CLEC4M: variants seen among roughly 807,000 people sequenced by gnomAD.
The protein encoded by CLEC4M is CD209 antigen-like protein 1.
A neutral mutation model predicts 39.1 loss-of-function variants in CLEC4M; 25 were observed. The observed-to-expected ratio is 0.64, with a 90% CI of 0.47 to 0.89. The LOEUF (loss-of-function observed/expected upper bound fraction) is 0.89. Ranked by LOEUF, CLEC4M falls within the 40% of genes least tolerant of loss-of-function variation. The pLI, the probability that CLEC4M is intolerant of heterozygous loss-of-function variation, is 0.00. For missense variants in CLEC4M, 353 were observed against 431.4 expected (o/e 0.82, Z 1.61); for synonymous variants, 155 against 177.4 (o/e 0.87, Z 1.00).
At chr19:7,767,400 C>G (rs557094) in intron 5 of CLEC4M, 116 bp from the exon 6 acceptor site, 92,350 of 721,666 alleles carry the variant, frequency 0.13, 7,377 homozygotes, top group African/African-American at 0.29. Context: ...TCAGGACCTG[C>G]TATATCAGAA....
chr19:7,766,977 C>A, intron 5 of CLEC4M, 170 bp downstream of exon 5: 1 of 1,123,712 alleles, frequency 8.9e-7, no homozygotes, highest in Non-Finnish European at 1.2e-6. Flanking sequence ...AAATACAAAC[C>A]AGATCTGAAC....
chr19:7,763,561 A>T (rs1449543498), intron 2 of CLEC4M, 85 bp downstream of exon 2: 9 of 1,175,960 alleles, frequency 7.7e-6, no homozygotes, highest in Non-Finnish European at 9.9e-6. Context: ...GGGGTCTGGA[A>T]TCCTGGGTTC....
chr19:7,766,556 T>C (rs972547717), intron 4 of CLEC4M, 100 bp from the exon 5 acceptor site: 16 of 1,576,872 alleles, frequency 1.0e-5, no homozygotes, highest in African/African-American at 2.7e-5. Flanking sequence ...ACATGGACAG[T>C]CAAGGAAGGG....
intron 5 of CLEC4M, chr19:7,767,097 C>A (rs755137718): frequency 4.1e-6 from 2 of 491,596 alleles, no homozygotes; most frequent in Admixed American, 3.3e-5. Context: ...GTTGTGTTTG[C>A]CAATTTCCCC....
At position 7,769,441 on chromosome 19, in the gene CLEC4M, A is replaced by T. The variant is rs374302522; in HGVS notation, c.*453A>T. The T allele has an allele frequency of 1.9e-5, 3 of 158,788 alleles. No individual in the cohort carries two copies. The allele number at this position is 158,788 out of a possible 1,614,324, so 9.8% of individuals were successfully genotyped here. On this transcript the variant is annotated 3_prime_UTR_variant, in exon 7 of 7. Transcript: ENST00000327325. ...GGAGCTCATCTTGCAGGCTGGAAGC[A>T]CCAGGGAATTAATTCCCCCAGTCAA...
rs765486035 is a variant in CLEC4M at position 7,765,724 on chromosome 19, G to A, written c.301G>A (p.Gly101Ser). The A allele has an allele frequency of 5.6e-6, 9 of 1,614,224 alleles. No homozygotes were observed. The highest frequency in any genetic ancestry group is 6.8e-6 in the Non-Finnish European group (8 of 1,180,036). Reference protein sequence around the residue: ...QNLTQLKAAVGELSEKSKLQE... With the variant: ...QNLTQLKAAVSELSEKSKLQE... Reference sequence around the variant, plus strand: ...CCTGACCCAGCTTAAAGCTGCAGTGGGTGAGCTCTCAGAGAAATCCAAGCT... The same window carrying A: ...CCTGACCCAGCTTAAAGCTGCAGTGAGTGAGCTCTCAGAGAAATCCAAGCT... The change falls in exon 4 of 7, where the codon GGT becomes AGT. Residue 101 changes from glycine to serine, a missense_variant. By Grantham distance (56) the Gly-to-Ser change is moderately conservative. Around this residue, in one of 4 missense-constraint regions of CLEC4M, gnomAD observed 48 missense variants for 64.8 expected, o/e 0.74. Transcript: ENST00000327325.
intron 5 of CLEC4M, 161 bp downstream of exon 5, chr19:7,766,968 A>G: frequency 8.0e-7 from 1 of 1,242,876 alleles, no homozygotes; most frequent in Non-Finnish European, 1.1e-6. Context: ...CCTTCAAGCA[A>G]ATACAAACCA....
chr19:7,767,562 T>C lies in CLEC4M; in HGVS notation c.983T>C (p.Met328Thr), dbSNP rs2034332829. The C allele has an allele frequency of 1.2e-6, 2 of 1,614,066 alleles. No individual in the cohort carries two copies. The highest frequency in any genetic ancestry group is 1.3e-5 in the African/African-American group (1 of 74,942). Residue 328 changes from methionine (M) to threonine (T), a missense_variant, in exon 6 of 7, where the codon ATG becomes ACG. This residue lies in a region of CLEC4M where 196 missense variants were observed against 211.7 expected (regional missense o/e 0.93). Transcript: ENST00000327325. ...QTSRSNRFSW[M>T]GLSDLNQEGT... ...TCCAGGAGTAACCGCTTCTCCTGGA[T>C]GGGACTTTCAGACCTAAATCAGGAA...
chr19:7,766,697 C>G lies in CLEC4M; in HGVS notation c.826C>G (p.Gln276Glu). The G allele has an allele frequency of 6.2e-7, 1 of 1,614,226 alleles. No homozygotes were observed. The highest frequency in any genetic ancestry group is 8.5e-7 in the Non-Finnish European group (1 of 1,180,044). The change falls in exon 5 of 7, where the codon CAA (glutamine) becomes GAA (glutamate). Residue 276 changes from glutamine to glutamate, a missense_variant. Around this residue, in one of 4 missense-constraint regions of CLEC4M, gnomAD observed 196 missense variants for 211.7 expected, o/e 0.93. Transcript: ENST00000327325. The stretch of plus-strand genomic sequence containing the variant: ...CTGTCCCAAGGACTGGACATTCTTC[C>G]AAGGAAACTGTTACTTCATGTCTAA... ...RHCPKDWTFF[Q>E]GNCYFMSNSQ...
At chr19:7,767,055 G>A (rs1027988618) in intron 5 of CLEC4M, 24 of 610,388 alleles carry the variant, frequency 3.9e-5, no homozygotes, top group African/African-American at 2.2e-4. Flanking sequence ...GGTGTTTAAC[G>A]GCCAGCTCTC....
Position 7,767,587 on chromosome 19 carries a change from A to G in CLEC4M, c.1008A>G (p.Glu336=), listed in dbSNP as rs373296748. 5 of 1,614,074 alleles carry G rather than the reference A, an allele frequency of 3.1e-6. No individual in the cohort carries two copies. The African/African-American group carries it at 6.7e-5, about 22-fold the overall frequency. ...TGGGACTTTCAGACCTAAATCAGGA[A>G]GGCACGTGGCAATGGGTGGACGGCT... ...SWMGLSDLNQ[E]GTWQWVDGSP... The change falls in exon 6 of 7, where the codon GAA becomes GAG. Residue 336 remains glutamate, a synonymous_variant. Coordinates refer to ENST00000327325, the MANE Select transcript of CLEC4M (RefSeq NM_014257.5).
rs560053802 is a variant in CLEC4M at position 7,764,019 on chromosome 19, C to T, written c.130+543C>T. ...CTTGGGCCTGGGTTCCTCCTGGGACCTGGAGATGTGGAGGCTGGGACCTGG... is the reference window on the plus strand; with the variant it reads ...CTTGGGCCTGGGTTCCTCCTGGGACTTGGAGATGTGGAGGCTGGGACCTGG... On this transcript the variant is annotated intron_variant, in intron 2 of 6. Coordinates refer to ENST00000327325, the MANE Select transcript of CLEC4M (RefSeq NM_014257.5). Among the ~76,000 whole-genome samples, 111 of 151,992 alleles carry T rather than the reference C, an allele frequency of 7.3e-4. 1 individual carries two copies. Among genetic ancestry groups the T allele is most frequent in the Non-Finnish European group, 1.1e-3 (74 of 67,960 alleles).
Position 7,766,129 on chromosome 19 carries a change from G to T in CLEC4M, c.706G>T (p.Ala236Ser), listed in dbSNP as rs576173072. ...EIYQELTQLK[A>S]AVGELPDQSK... is the part of the protein sequence containing the mutation. ...CTACCAGGAGCTGACCCAGCTGAAG[G>T]CTGCAGTGGGTGAGTTGCCAGACCA... Residue 236 changes from alanine (A) to serine (S), a missense_variant, in exon 4 of 7, where the codon GCT becomes TCT. Physicochemically the swap from Ala to Ser is moderately conservative, Grantham distance 99. Transcript: ENST00000327325. 1.9e-6 allele frequency: 3 copies of T among 1,613,842 alleles called. No individual in the cohort carries two copies. Among genetic ancestry groups the T allele is most frequent in the Non-Finnish European group, 1.7e-6 (2 of 1,179,876 alleles).
Position 7,766,783 on chromosome 19 carries a change from C to A in CLEC4M, c.912C>A (p.Val304=), listed in dbSNP as rs749659860. 4 of 1,614,038 alleles carry A rather than the reference C, an allele frequency of 2.5e-6. No homozygotes were observed. In the African/African-American group the frequency reaches 4.0e-5, roughly 16 times the overall value. The part of the protein sequence containing the change: ...TACQEVRAQL[V]VIKTAEEQNF... Reference sequence around the variant, plus strand: ...GCCAGGAAGTGAGGGCCCAGCTCGTCGTAATCAAAACTGCTGAGGAGCAGG... The same window carrying A: ...GCCAGGAAGTGAGGGCCCAGCTCGTAGTAATCAAAACTGCTGAGGAGCAGG... Residue 304 remains valine, a synonymous_variant, in exon 5 of 7, where the codon GTC becomes GTA. Transcript: ENST00000327325.
intron 3 of CLEC4M, 40 bp downstream of exon 3, chr19:7,765,308 G>A (rs1268072469): frequency 6.2e-7 from 1 of 1,605,864 alleles, no homozygotes; most frequent in Non-Finnish European, 8.5e-7. Context: ...CCCCAGGCCT[G>A]GCCTTTTGGC....
At chr19:7,768,655 G>A (rs1267667745) in intron 6 of CLEC4M, 183 bp from the exon 7 acceptor site, 2 of 556,074 alleles carry the variant, frequency 3.6e-6, no homozygotes, top group Non-Finnish European at 6.1e-6. Context: ...CCAAGGCTGG[G>A]ATGCAGCAAG....
In CLEC4M at chr19:7,768,384, G is replaced by A. The variant is rs1028973288; in HGVS notation, c.1050-454G>A. Reference sequence around the variant, plus strand: ...AGGTCAAGAGATCAAAACCATGCTGGCCAACACGGTGAAACCCCGTCTCTA... The same window carrying A: ...AGGTCAAGAGATCAAAACCATGCTGACCAACACGGTGAAACCCCGTCTCTA... On this transcript the variant is annotated intron_variant, in intron 6 of 6. Coordinates refer to ENST00000327325, the MANE Select transcript of CLEC4M (RefSeq NM_014257.5). 1.7e-4 allele frequency: 27 copies of A among 156,906 alleles called. No homozygotes were observed. In the South Asian group the frequency reaches 3.2e-3, roughly 19 times the overall value. 9.7% of individuals were successfully genotyped at this position (156,906 alleles called of 1,614,324 possible).
rs761371108 is a variant in CLEC4M, at chr19:7,768,975, T to G, written c.1187T>G (p.Phe396Cys). 3 of 1,614,028 alleles carry G rather than the reference T, an allele frequency of 1.9e-6. No homozygotes were observed. The highest frequency in any genetic ancestry group is 2.5e-6 in the Non-Finnish European group (3 of 1,179,902). The change falls in exon 7 of 7, where the codon TTC becomes TGC. Residue 396 changes from phenylalanine to cysteine, a missense_variant. This residue lies in a region of CLEC4M where 196 missense variants were observed against 211.7 expected (regional missense o/e 0.93). Transcript: ENST00000327325. ...ATCTGCAAAAAGCCCGCAGCCTGCT[T>G]CAGAGACGAATAGTTGTTTCCCTGC... ...YWICKKPAACFRDE is the reference protein window; with the variant it reads ...YWICKKPAACCRDE
Position 7,765,202 on chromosome 19 carries a change from G to C in CLEC4M, c.148G>C (p.Ala50Pro), listed in dbSNP as rs370560578. 9 of 1,614,132 alleles carry C rather than the reference G, an allele frequency of 5.6e-6. No homozygotes were observed. The highest frequency in any genetic ancestry group is 4.0e-5 in the African/African-American group (3 of 75,032). The change falls in exon 3 of 7, where the codon GCC becomes CCC. Residue 50 changes from alanine to proline, a missense_variant. Physicochemically the swap from Ala to Pro is conservative, Grantham distance 27. Coordinates refer to ENST00000327325, the MANE Select transcript of CLEC4M (RefSeq NM_014257.5). Reference sequence around the variant, plus strand: ...TCTCTCAGGGTGTCTTGGCCATGGCGCCCTGGTGCTGCAACTCCTCTCCTT... The same window carrying C: ...TCTCTCAGGGTGTCTTGGCCATGGCCCCCTGGTGCTGCAACTCCTCTCCTT... The part of the protein sequence containing the change: ...KSSTGCLGHG[A>P]LVLQLLSFML...
Sources: gnomAD v4.1 joint callset for allele counts (sites outside exome capture counted in the v4.1 genomes callset) on GRCh38, gnomAD v4.1.1 for gene constraint, gnomAD v4.1.1 regional missense constraint, MANE v1.5 for transcripts, NCBI Gene and HGNC (gene_info 2026-07-23, HGNC 2026-07-21) for gene names.